The following COL15A1 variants were observed in gnomAD, a reference collection of about 807,000 sequenced individuals.
COL15A1 encodes collagen alpha-1(XV) chain.
COL15A1 carries 111 observed loss-of-function variants against 165.9 expected under a neutral mutation model. The observed-to-expected ratio is 0.67, with a 90% CI of 0.57 to 0.78. The LOEUF (loss-of-function observed/expected upper bound fraction) is 0.78, where lower values mean the gene tolerates loss of function less well. COL15A1 is among the 30% of genes least tolerant of loss of function. The probability of loss-of-function intolerance (pLI) is 0.00; values close to 1 mark genes in which losing one functional copy is unlikely to be tolerated. For synonymous variants in COL15A1, 659 were observed against 674.8 expected, an observed-to-expected ratio of 0.98 and a Z score of 0.36; for missense variants, 1,745 against 1,789.7, an observed-to-expected ratio of 0.98 and a Z score of 0.45.
chr9:98,949,864 A>G (rs1027593888), intron 2 of COL15A1, among the ~76,000 whole-genome samples: 1 of 152,200 alleles, frequency 6.6e-6, no homozygotes, highest in Non-Finnish European at 1.5e-5. Context: ...TCTCAGCTTC[A>G]GGCAGTCACT....
chr9:98,956,321 CAAAG>C (rs972570408), intron 2 of COL15A1, among the ~76,000 whole-genome samples: 1 of 151,958 alleles, frequency 6.6e-6, no homozygotes, highest in African/African-American at 2.4e-5. Flanking sequence ...CAAAAACAAA[CAAAG>C]AAACAAAAAA....
chr9:99,060,829 A>C lies in COL15A1; in HGVS notation c.3402+876A>C, dbSNP rs117954184. Among the ~76,000 whole-genome samples the C allele has an allele frequency of 1.2e-4, 19 of 152,264 alleles. No individual in the cohort carries two copies. The East Asian group carries it at 3.7e-3, about 29-fold the overall frequency. On this transcript the variant is annotated intron_variant, in intron 36 of 41. Transcript: ENST00000375001. ...TGGGAAGTCGAGGCTCCAGTGAACC[A>C]TGACTGTGCCACTGCACTCCAGCCT...
intron 5 of COL15A1, among the ~76,000 whole-genome samples, chr9:98,990,788 T>C (rs1002685718): frequency 6.6e-6 from 1 of 152,196 alleles, no homozygotes; most frequent in African/African-American, 2.4e-5. Flanking sequence ...TTGATACCAC[T>C]GTGTACCTGG....
At chr9:98,998,473 GA>G (rs1409655404) in intron 6 of COL15A1, among the ~76,000 whole-genome samples, 2 of 152,178 alleles carry the variant, frequency 1.3e-5, no homozygotes, top group African/African-American at 2.4e-5. Context: ...GGGAGAGTCA[GA>G]CAGCTTGGAA....
chr9:99,003,828 A>G (rs78333929), intron 8 of COL15A1, among the ~76,000 whole-genome samples: 4,551 of 152,306 alleles, frequency 0.03, 223 homozygotes, highest in African/African-American at 0.1. Flanking sequence ...GATAGACGTG[A>G]TTCCTGAAGA....
At chr9:99,061,881 C>A in intron 36 of COL15A1, 90 bp from the exon 37 acceptor site, 1 of 1,420,422 alleles carries the variant, frequency 7.0e-7, no homozygotes, top group Non-Finnish European at 9.6e-7. Flanking sequence ...GGGGACGGCT[C>A]CTAGTTGACT....
intron 30 of COL15A1, among the ~76,000 whole-genome samples, chr9:99,050,489 G>A (rs1426752583): frequency 6.6e-6 from 1 of 152,200 alleles, no homozygotes. Context: ...ATGCTGAGGG[G>A]TCAGGCACTT....
chr9:99,068,467 C>CAAAAAAAAAAAA (rs34451429), intron 40 of COL15A1, 88 bp from the exon 41 acceptor site: 1 of 254,886 alleles, frequency 3.9e-6, no homozygotes. Context: ...GAAACTGTGT[C>CAAAAAAAAAAAA]AAAAAAAAAA....
intron 11 of COL15A1, among the ~76,000 whole-genome samples, chr9:99,020,042 T>C (rs1424413921): frequency 6.6e-6 from 1 of 152,208 alleles, no homozygotes; most frequent in African/African-American, 2.4e-5. Flanking sequence ...TCTTAACAAA[T>C]ATATGGAGAA....
At position 98,944,077 on chromosome 9, in the gene COL15A1, G is replaced by C. The variant is rs1048438333; in HGVS notation, c.11+5G>C. 6.2e-7 allele frequency: 1 copy of C among 1,614,146 alleles called. No homozygotes were observed. Among genetic ancestry groups the C allele is most frequent in the Non-Finnish European group, 8.5e-7 (1 of 1,179,982 alleles). Reference sequence around the variant, plus strand: ...GACCCGCGAGATGGCACCAAGGTAAGACCCGCTTCTCTGCTTCCTCGCGTC... The same window carrying C: ...GACCCGCGAGATGGCACCAAGGTAACACCCGCTTCTCTGCTTCCTCGCGTC... On this transcript the variant is annotated splice_donor_5th_base_variant and intron_variant, in intron 1 of 41. Transcript: ENST00000375001.
At chr9:99,019,364 A>AAT (rs1351555702) in intron 11 of COL15A1, among the ~76,000 whole-genome samples, 1 of 151,912 alleles carries the variant, frequency 6.6e-6, no homozygotes, top group Non-Finnish European at 1.5e-5. Flanking sequence ...CTACCCGGCT[A>AAT]ATTTTTTTGT....
At chr9:99,049,957 G>A in intron 30 of COL15A1, 62 bp downstream of exon 30, 1 of 1,608,446 alleles carries the variant, frequency 6.2e-7, no homozygotes, top group Non-Finnish European at 8.5e-7. Context: ...TGGAGAAAAA[G>A]ATCAGTCTTT....
chr9:99,060,874 C>A (rs550259086), intron 36 of COL15A1, among the ~76,000 whole-genome samples: 3 of 152,134 alleles, frequency 2.0e-5, no homozygotes, highest in African/African-American at 7.2e-5. Flanking sequence ...AGCAATACCC[C>A]ATCTCTAGAA....
At chr9:99,021,947 C>A in intron 12 of COL15A1, 144 bp from the exon 13 acceptor site, 1 of 1,117,528 alleles carries the variant, frequency 8.9e-7, no homozygotes, top group Non-Finnish European at 1.3e-6. Context: ...CAAGGCATTC[C>A]CTTAAGCTGT....
At chr9:98,996,230 T>G (rs923180468) in intron 5 of COL15A1, among the ~76,000 whole-genome samples, 1 of 152,228 alleles carries the variant, frequency 6.6e-6, no homozygotes, top group Non-Finnish European at 1.5e-5. Flanking sequence ...GATTCTTCCA[T>G]GCACCCCCAG....
intron 2 of COL15A1, among the ~76,000 whole-genome samples, chr9:98,944,581 G>C (rs1019036398): frequency 1.3e-5 from 2 of 152,260 alleles, no homozygotes; most frequent in Admixed American, 6.5e-5. Context: ...CGCACCCAGC[G>C]CCAGCAGCTT....
intron 9 of COL15A1, among the ~76,000 whole-genome samples, chr9:99,010,361 A>G (rs185455057): frequency 1.3e-5 from 2 of 152,354 alleles, no homozygotes; most frequent in African/African-American, 4.8e-5. Context: ...GTGGGAATAA[A>G]AGACAAGAGA....
intron 2 of COL15A1, among the ~76,000 whole-genome samples, chr9:98,964,132 T>C (rs141113392): frequency 1.2e-3 from 179 of 152,348 alleles, no homozygotes; most frequent in African/African-American, 3.7e-3. Context: ...TGGCATCAAA[T>C]TCCACGTCCT....
At chr9:98,991,075 C>T (rs1164481107) in intron 5 of COL15A1, among the ~76,000 whole-genome samples, 3 of 152,134 alleles carry the variant, frequency 2.0e-5, no homozygotes, top group Admixed American at 1.3e-4. Flanking sequence ...GTCTTGCTGG[C>T]CTCAGGAGTG....
Sources: allele counts gnomAD v4.1 joint callset (sites outside exome capture counted in the v4.1 genomes callset), GRCh38; gene constraint gnomAD v4.1.1; transcripts MANE v1.5; gene names NCBI Gene and HGNC (gene_info 2026-07-23, HGNC 2026-07-21).